FAM72A: variants seen among roughly 807,000 people sequenced by gnomAD.
The protein encoded by FAM72A is regulator of UNG2 and MKLN1 interacting yippee protein 1.
Under a neutral mutation model 11.3 loss-of-function variants are expected in FAM72A, and 1 was observed. The ratio of observed to expected loss-of-function variants is 0.09; its 90% CI spans 0.03 to 0.42. FAM72A has a LOEUF of 0.42. Among genes scored for constraint, FAM72A ranks in the 10% least tolerant of loss-of-function variants. The pLI is 0.98. For missense variants in FAM72A, 15 were observed against 135.5 expected (o/e 0.11, Z 4.41); for synonymous variants, 5 against 46.9 (o/e 0.11, Z 3.65).
intron 3 of FAM72A, among the ~76,000 whole-genome samples, chr1:206,191,703 G>T (rs1335843333): frequency 2.2e-5 from 3 of 136,994 alleles, no homozygotes; most frequent in Admixed American, 7.2e-5. Flanking sequence ...AATTGGTAGT[G>T]TACTTTCTTA....
intron 2 of FAM72A, among the ~76,000 whole-genome samples, chr1:206,196,480 T>C (rs1163729576): frequency 1.2e-5 from 1 of 82,696 alleles, no homozygotes; most frequent in Non-Finnish European, 2.3e-5. Flanking sequence ...TGATGTGCTG[T>C]ACAGACAAAA....
intron 3 of FAM72A, 135 bp from the exon 4 acceptor site, chr1:206,187,508 T>C (rs1271936956): frequency 6.4e-6 from 4 of 625,220 alleles, no homozygotes; most frequent in Admixed American, 3.0e-5. Context: ...TATTGAAGAA[T>C]GTACTGCAAA....
At chr1:206,199,316 CAGGAGTTCA>C (rs1306947120) in intron 2 of FAM72A, among the ~76,000 whole-genome samples, 1 of 148,680 alleles carries the variant, frequency 6.7e-6, no homozygotes, top group African/African-American at 2.5e-5. Context: ...CACTTGAGCC[CAGGAGTTCA>C]AGGCTACAGT....
At position 206,187,273 on chromosome 1, in the gene FAM72A, T is replaced by C; in HGVS notation, c.*6A>G. 2 of 1,580,678 alleles carry C rather than the reference T, an allele frequency of 1.3e-6. No individual in the cohort carries two copies. Among genetic ancestry groups the C allele is most frequent in the Non-Finnish European group, 8.6e-7 (1 of 1,169,042 alleles). Reference sequence around the variant, plus strand: ...AGTTTGTATATCATATATATCATAATTCCATTTATCTAATACACTCCTCTG... The same window carrying C: ...AGTTTGTATATCATATATATCATAACTCCATTTATCTAATACACTCCTCTG... On this transcript the variant is annotated 3_prime_UTR_variant, in exon 4 of 4. Coordinates refer to ENST00000367128, the MANE Select transcript of FAM72A (RefSeq NM_001123168.3).
chr1:206,203,024 C>T (rs1198595861), upstream of FAM72A, among the ~76,000 whole-genome samples: 1 of 152,084 alleles, frequency 6.6e-6, no homozygotes, highest in African/African-American at 2.4e-5. Flanking sequence ...AGTAACGGTG[C>T]TGAGATCAAT....
intron 3 of FAM72A, among the ~76,000 whole-genome samples, chr1:206,189,093 CACT>C (rs1393738554): frequency 6.6e-6 from 1 of 151,094 alleles, no homozygotes; most frequent in African/African-American, 2.4e-5. Flanking sequence ...TTTGCTTTTT[CACT>C]CGTCATGTTT....
intron 2 of FAM72A, among the ~76,000 whole-genome samples, chr1:206,197,975 T>A (rs1665156551): frequency 6.8e-6 from 1 of 146,136 alleles, no homozygotes; most frequent in Admixed American, 6.8e-5. Flanking sequence ...AATCTCACAC[T>A]TTGGGAGGCC....
intron 3 of FAM72A, among the ~76,000 whole-genome samples, chr1:206,191,774 C>A (rs1245519235): frequency 7.6e-6 from 1 of 131,932 alleles, no homozygotes; most frequent in Non-Finnish European, 1.5e-5. Context: ...GTTGCCCAGG[C>A]TGGAGTGCAG....
chr1:206,187,455 A>T, intron 3 of FAM72A, 82 bp from the exon 4 acceptor site: 1 of 1,452,892 alleles, frequency 6.9e-7, no homozygotes, highest in Non-Finnish European at 9.6e-7. Flanking sequence ...TTATATGTTA[A>T]TATTCTTATG....
intron 2 of FAM72A, among the ~76,000 whole-genome samples, chr1:206,196,838 C>T (rs1378933472): frequency 2.7e-5 from 4 of 150,782 alleles, no homozygotes; most frequent in Non-Finnish European, 5.9e-5. Context: ...ATAGAGTGAA[C>T]CTACAGGGAA....
chr1:206,191,732 T>A (rs1458376391), intron 3 of FAM72A, among the ~76,000 whole-genome samples: 4 of 143,720 alleles, frequency 2.8e-5, no homozygotes, highest in Non-Finnish European at 6.1e-5. Context: ...TTATTTTTTT[T>A]TTTTTTTTTT....
intron 3 of FAM72A, among the ~76,000 whole-genome samples, chr1:206,194,848 G>A (rs1664994574): frequency 9.3e-6 from 1 of 107,274 alleles, no homozygotes; most frequent in Admixed American, 1.0e-4. Context: ...CTGGGTAGCT[G>A]GGACGATAGT....
chr1:206,191,497 C>T (rs556986128), intron 3 of FAM72A, among the ~76,000 whole-genome samples: 3 of 149,694 alleles, frequency 2.0e-5, no homozygotes, highest in East Asian at 2.0e-4. Context: ...CCTGTAATCT[C>T]GCTACTCGGG....
chr1:206,203,763 T>C (rs1553299990), upstream of FAM72A: 1 of 1,473,342 alleles, frequency 6.8e-7, no homozygotes, highest in African/African-American at 1.4e-5. Context: ...GCTCGCGGCA[T>C]CGCCTTAGCG....
chr1:206,203,797 C>T (rs1403343380), upstream of FAM72A: 4 of 1,532,108 alleles, frequency 2.6e-6, no homozygotes, highest in East Asian at 9.9e-5. Flanking sequence ...TCCCTCAGAC[C>T]GCCCCCCCTC....
chr1:206,203,756 C>T (rs575824254), upstream of FAM72A: 34 of 1,463,660 alleles, frequency 2.3e-5, no homozygotes, highest in Admixed American at 5.2e-4. Flanking sequence ...GGATGCTGCT[C>T]GCGGCATCGC....
intron 2 of FAM72A, among the ~76,000 whole-genome samples, chr1:206,197,869 A>G (rs2102393161): frequency 6.6e-6 from 1 of 151,602 alleles, no homozygotes; most frequent in East Asian, 2.0e-4. Context: ...AGCCGAGATC[A>G]TGCCATTGCA....
chr1:206,192,001 T>C, intron 3 of FAM72A, among the ~76,000 whole-genome samples: 1 of 139,424 alleles, frequency 7.2e-6, no homozygotes, highest in Non-Finnish European at 1.5e-5. Flanking sequence ...ACACCATAGA[T>C]ACTGGGCTTT....
chr1:206,203,357 C>T (rs1364662756), upstream of FAM72A: 6 of 396,604 alleles, frequency 1.5e-5, no homozygotes, highest in Non-Finnish European at 2.2e-5. Flanking sequence ...TCTGTGACCA[C>T]GCCTCGGCAG....
Sources: gnomAD v4.1 joint callset for allele counts (sites outside exome capture counted in the v4.1 genomes callset) on GRCh38, gnomAD v4.1.1 for gene constraint, MANE v1.5 for transcripts, NCBI Gene and HGNC (gene_info 2026-07-23, HGNC 2026-07-21) for gene names.